Variants in BRWD3 observed in about 807,000 individuals in gnomAD.
BRWD3 encodes the protein bromodomain and WD repeat domain containing 3, also known as bromodomain and WD repeat-containing protein 3.
BRWD3 carries 10 observed loss-of-function variants against 149.7 expected under a neutral mutation model. The observed-to-expected ratio is 0.07, with a 90% CI of 0.04 to 0.11. The LOEUF (loss-of-function observed/expected upper bound fraction) is 0.11, where lower values mean the gene tolerates loss of function less well. Among genes scored for constraint, BRWD3 ranks in the 10% least tolerant of loss-of-function variants. The pLI, the probability that BRWD3 is intolerant of heterozygous loss-of-function variation, is 1.00. For synonymous variants in BRWD3, 504 were observed against 456.7 expected (o/e 1.10, Z -1.32); for missense variants, 940 against 1,373.2 (o/e 0.68, Z 4.99).
At chrX:80,685,670 A>C in intron 35 of BRWD3, 134 bp from the exon 36 acceptor site, 1 of 506,702 alleles carries the variant, frequency 2.0e-6, no homozygotes, top group African/African-American at 2.3e-5. Flanking sequence ...TTTAAGGTGA[A>C]GGAATTGTAC....
At chrX:80,788,767 A>C (rs1380006157) in intron 6 of BRWD3, among the ~76,000 whole-genome samples, 1 of 112,207 alleles carries the variant, frequency 8.9e-6, no homozygotes, top group East Asian at 2.8e-4. Flanking sequence ...TGGTAATAAA[A>C]AGAAATGAAC....
chrX:80,758,203 A>AAAAATAAT (rs1269699762), intron 6 of BRWD3, among the ~76,000 whole-genome samples: 13 of 110,437 alleles, frequency 1.2e-4, no homozygotes, highest in Non-Finnish European at 2.3e-4. Context: ...CCATCTCAAA[A>AAAAATAAT]AAAATAAAAA....
intron 6 of BRWD3, among the ~76,000 whole-genome samples, chrX:80,759,439 T>C (rs763393081): frequency 1.7e-4 from 19 of 112,152 alleles, no homozygotes; most frequent in Admixed American, 1.4e-3. Context: ...TTAATTAATT[T>C]GGGCCTCTTA....
chrX:80,735,190 G>C lies in BRWD3; in HGVS notation c.922C>G (p.Pro308Ala), dbSNP rs2073385235. Residue 308 changes from proline to alanine, a missense_variant, in exon 10 of 41, where the codon CCG (proline) becomes GCG (alanine). Physicochemically the swap from Pro to Ala is conservative, Grantham distance 27. Around this residue, in one of 6 missense-constraint regions of BRWD3, gnomAD observed 209 missense variants for 396.8 expected, o/e 0.53. Coordinates refer to ENST00000373275, the MANE Select transcript of BRWD3 (RefSeq NM_153252.5). ...HVKTMKFRDR[P>A]VKFTERSRPG... Reference sequence around the variant, plus strand: ...CTGGATCTCTCAGTAAATTTCACCGGGCGATCTCTAAAGATAAAAATAAGG... The same window carrying C: ...CTGGATCTCTCAGTAAATTTCACCGCGCGATCTCTAAAGATAAAAATAAGG... 1.8e-5 allele frequency: 22 copies of C among 1,205,391 alleles called. No individual in the cohort carries two copies. In the East Asian group the frequency reaches 6.5e-4, roughly 36 times the overall value.
At chrX:80,750,893 C>CACACAT (rs1555977578) in intron 6 of BRWD3, among the ~76,000 whole-genome samples, 1,877 of 107,103 alleles carry the variant, frequency 0.018, 32 homozygotes, top group African/African-American at 0.061. Flanking sequence ...CACACACACA[C>CACACAT]GCAAAAATCA....
rs1019977084 is a variant in BRWD3 at position 80,677,178 on chromosome X, T to C, written c.4840A>G (p.Ser1614Gly). The C allele has an allele frequency of 3.3e-6, 4 of 1,211,751 alleles. No homozygotes were observed. In the South Asian group the frequency reaches 7.0e-5, roughly 21 times the overall value. The change falls in exon 41 of 41, where the codon AGT (serine) becomes GGT (glycine). Residue 1614 changes from serine (S) to glycine (G), a missense_variant. Ser to Gly is a moderately conservative substitution (Grantham distance 56, BLOSUM62 0). Around this residue, in one of 6 missense-constraint regions of BRWD3, gnomAD observed 349 missense variants for 419.6 expected, o/e 0.83. Transcript: ENST00000373275. ...TCAGAACCACAGGTACTTTCAGAAC[T>C]TAAACTGGATCCTAACTCTCCACTC... ...SESGELGSSLSSESTCGSDSD... is the reference protein window; with the variant it reads ...SESGELGSSLGSESTCGSDSD...
In BRWD3 at chrX:80,695,924, T is replaced by G. The variant is rs2072684391; in HGVS notation, c.3135A>C (p.Glu1045Asp). ...VLHQFYNEAK[E>D]RNWQIGDRFR... Reference sequence around the variant, plus strand: ...TATATTTACCAATCTGCCAGTTCCTTTCTTTGGCTTCATTATAAAACTGAT... The same window carrying G: ...TATATTTACCAATCTGCCAGTTCCTGTCTTTGGCTTCATTATAAAACTGAT... The change falls in exon 27 of 41, where the codon GAA becomes GAC. Residue 1045 changes from glutamate (E) to aspartate (D), a missense_variant. By Grantham distance (45) the Glu-to-Asp change is conservative. Coordinates refer to ENST00000373275, the MANE Select transcript of BRWD3 (RefSeq NM_153252.5). 2 of 1,209,459 alleles carry G rather than the reference T, an allele frequency of 1.7e-6. No individual in the cohort carries two copies. The highest frequency in any genetic ancestry group is 5.9e-5 in the East Asian group (2 of 33,778).
intron 14 of BRWD3, among the ~76,000 whole-genome samples, chrX:80,725,431 T>A (rs1438091420): frequency 8.9e-6 from 1 of 112,042 alleles, no homozygotes; most frequent in Non-Finnish European, 1.9e-5. Context: ...CAGTGATAAA[T>A]ACAATCCAGC....
At chrX:80,742,802 C>T (rs758498307) in intron 8 of BRWD3, among the ~76,000 whole-genome samples, 26 of 111,385 alleles carry the variant, frequency 2.3e-4, no homozygotes, top group Middle Eastern at 9.2e-3. Flanking sequence ...TGGGCTGAGA[C>T]GATGGAGTTT....
At chrX:80,807,369 T>A (rs1308547091) in intron 4 of BRWD3, among the ~76,000 whole-genome samples, 4 of 112,247 alleles carry the variant, frequency 3.6e-5, no homozygotes, top group African/African-American at 1.3e-4. Context: ...CTCACTGTTG[T>A]AAGATAACAC....
intron 22 of BRWD3, among the ~76,000 whole-genome samples, chrX:80,705,471 G>A (rs2072849784): frequency 9.0e-6 from 1 of 111,395 alleles, no homozygotes; most frequent in Non-Finnish European, 1.9e-5. Flanking sequence ...AAGTGGGATT[G>A]TTTTAAAACT....
At chrX:80,793,506 G>T in intron 5 of BRWD3, 116 bp downstream of exon 5, 2 of 808,703 alleles carry the variant, frequency 2.5e-6, no homozygotes, top group Non-Finnish European at 3.5e-6. Context: ...AAACAACATT[G>T]GCAAGATAAG....
rs1296912076 is a variant in BRWD3, at chrX:80,728,828, G to A, written c.1310C>T (p.Thr437Ile). 1 of 1,202,400 alleles carries A rather than the reference G, an allele frequency of 8.3e-7. No homozygotes were observed. Among genetic ancestry groups the A allele is most frequent in the Non-Finnish European group, 1.1e-6 (1 of 888,301 alleles). Residue 437 changes from threonine to isoleucine, a missense_variant, in exon 14 of 41, where the codon ACA (threonine) becomes ATA (isoleucine). Physicochemically the swap from Thr to Ile is moderately conservative, Grantham distance 89. Coordinates refer to ENST00000373275, the MANE Select transcript of BRWD3 (RefSeq NM_153252.5). Reference protein sequence around the residue: ...TMVAWDRYDTTVITAVNNFLL... With the variant: ...TMVAWDRYDTIVITAVNNFLL... ...AAAATTGTTCACTGCAGTAATAACT[G>A]TGGTATCATAGCGATCCCAGGCCAC...
chrX:80,713,664 G>A (rs756334765), intron 20 of BRWD3, among the ~76,000 whole-genome samples: 33 of 109,534 alleles, frequency 3.0e-4, no homozygotes, highest in Admixed American at 1.3e-3. Context: ...CCCCCTCTGC[G>A]AGAGACACCC....
At chrX:80,720,568 CAAAA>C (rs370882636) in intron 17 of BRWD3, among the ~76,000 whole-genome samples, 9,275 of 110,873 alleles carry the variant, frequency 0.084, 372 homozygotes, top group South Asian at 0.19. Context: ...AACAAACAAA[CAAAA>C]AACCAAAAAA....
chrX:80,712,178 A>T (rs779531448), intron 20 of BRWD3, among the ~76,000 whole-genome samples: 2 of 111,397 alleles, frequency 1.8e-5, no homozygotes, highest in African/African-American at 6.5e-5. Context: ...CCCTCTCCCC[A>T]CGGTATCCCT....
chrX:80,706,091 A>G (rs1304278687), intron 22 of BRWD3, among the ~76,000 whole-genome samples: 2 of 111,898 alleles, frequency 1.8e-5, no homozygotes, highest in Non-Finnish European at 3.8e-5. Context: ...CTTAAAACAC[A>G]AACACATTGT....
chrX:80,809,823 G>GGGGA lies in BRWD3; in HGVS notation c.-353_-352insTCCC, dbSNP rs1555990957. 1 of 100,077 alleles carries GGGGA rather than the reference G, an allele frequency of 1.0e-5. No individual in the cohort carries two copies. Among genetic ancestry groups the GGGGA allele is most frequent in the Non-Finnish European group, 1.7e-5 (1 of 57,484 alleles). 8.2% of individuals were successfully genotyped at this position (100,077 alleles called of 1,213,427 possible). On this transcript the variant is annotated 5_prime_UTR_variant, in exon 1 of 41. Coordinates refer to ENST00000373275, the MANE Select transcript of BRWD3 (RefSeq NM_153252.5). ...AGAGAGACGCGGGGGGTGGGGGGGC[G>GGGGA]GAGAGAGAGAGAGAGAGAGAGATAG...
At chrX:80,759,393 T>C (rs754527827) in intron 6 of BRWD3, among the ~76,000 whole-genome samples, 11 of 111,879 alleles carry the variant, frequency 9.8e-5, no homozygotes, top group Non-Finnish European at 2.1e-4. Context: ...TCACAAAGAA[T>C]ATCTTCCAGT....
Sources: allele counts gnomAD v4.1 joint callset (sites outside exome capture counted in the v4.1 genomes callset), GRCh38; gene constraint gnomAD v4.1.1; regional missense constraint gnomAD v4.1.1; transcripts MANE v1.5; gene names NCBI Gene and HGNC (gene_info 2026-07-23, HGNC 2026-07-21).